The following ZNF710 variants were observed in gnomAD, a reference collection of about 807,000 sequenced individuals.
The protein encoded by ZNF710 is zinc finger protein 710.
Under a neutral mutation model 50.6 loss-of-function variants are expected in ZNF710, and 13 were observed. The ratio of observed to expected loss-of-function variants is 0.26; its 90% CI spans 0.17 to 0.41. ZNF710 has a LOEUF of 0.41. Ranked by LOEUF, ZNF710 falls within the 10% of genes least tolerant of loss-of-function variation. ZNF710 has a pLI of 1.00. For missense variants in ZNF710, 721 were observed against 936.6 expected (o/e 0.77, Z 3.01); for synonymous variants, 383 against 397.0 (o/e 0.96, Z 0.42).
intron 1 of ZNF710, among the ~76,000 whole-genome samples, chr15:90,021,255 G>A (rs544837011): frequency 1.3e-5 from 2 of 152,314 alleles, no homozygotes; most frequent in Non-Finnish European, 2.9e-5. Context: ...CCGCTGAAGC[G>A]GCTCAGAGGC....
chr15:90,053,348 C>CTTTT (rs111542346), intron 1 of ZNF710, among the ~76,000 whole-genome samples: 3 of 144,692 alleles, frequency 2.1e-5, no homozygotes, highest in East Asian at 2.0e-4. Context: ...CAGTGAATTC[C>CTTTT]TTTTTTTTTT....
intron 1 of ZNF710, among the ~76,000 whole-genome samples, chr15:90,061,230 G>A (rs1405216917): frequency 6.6e-6 from 1 of 152,136 alleles, no homozygotes; most frequent in East Asian, 1.9e-4. Flanking sequence ...GAGTGCAGTG[G>A]CGTGATCTCA....
At chr15:90,077,388 C>A (rs1165530634) in intron 4 of ZNF710, among the ~76,000 whole-genome samples, 2 of 151,902 alleles carry the variant, frequency 1.3e-5, no homozygotes, top group Non-Finnish European at 2.9e-5. Flanking sequence ...GGACTACAGG[C>A]GCCTGCCACC....
intron 1 of ZNF710, among the ~76,000 whole-genome samples, chr15:90,017,638 C>G (rs146109635): frequency 1.7e-3 from 257 of 151,700 alleles, no homozygotes; most frequent in African/African-American, 6.0e-3. Context: ...AGGGATGCAT[C>G]CTAATGACCC....
intron 1 of ZNF710, among the ~76,000 whole-genome samples, chr15:90,047,839 G>A (rs887601477): frequency 5.3e-5 from 8 of 151,908 alleles, no homozygotes; most frequent in East Asian, 1.9e-4. Context: ...CACCCATTTC[G>A]GCCTCCCAAA....
chr15:90,016,870 A>C (rs1029428380), intron 1 of ZNF710, among the ~76,000 whole-genome samples: 3 of 152,238 alleles, frequency 2.0e-5, no homozygotes, highest in African/African-American at 7.2e-5. Flanking sequence ...AAGCTCAGGC[A>C]GTAGGTGGTA....
chr15:90,056,745 C>T (rs1045645922), intron 1 of ZNF710, among the ~76,000 whole-genome samples: 3 of 152,226 alleles, frequency 2.0e-5, no homozygotes, highest in Non-Finnish European at 2.9e-5. Flanking sequence ...CACATTACTC[C>T]TGTACTTAGC....
At chr15:90,025,970 A>G (rs1898762961) in intron 1 of ZNF710, 1 of 152,182 alleles carries the variant, frequency 6.6e-6, no homozygotes, top group South Asian at 2.1e-4. Context: ...TCATAGCCTT[A>G]AATGCTTTTA....
chr15:90,045,347 C>T, intron 1 of ZNF710: 1 of 985,442 alleles, frequency 1.0e-6, no homozygotes, highest in Non-Finnish European at 1.2e-6. Context: ...TGGCGGATGG[C>T]TTCAAGGACG....
intron 3 of ZNF710, 125 bp from the exon 4 acceptor site, chr15:90,073,989 CAA>C: frequency 1.4e-6 from 1 of 701,348 alleles, no homozygotes. Flanking sequence ...GAGTCTGTCT[CAA>C]AAAAAAAACA....
At position 90,079,826 on chromosome 15, in the gene ZNF710, A is replaced by G; in HGVS notation, c.1992A>G (p.Leu664=). The change falls in exon 5 of 5, where the codon CTA becomes CTG. Residue 664 remains leucine, a synonymous_variant. Coordinates refer to ENST00000268154, the MANE Select transcript of ZNF710 (RefSeq NM_198526.4). ...AMKEMAYYNV[L] ...AAGAGATGGCCTACTACAATGTGCT[A>G]TAGCGCAAGCTGGGCCACCCCTAAC... 2 of 1,591,328 alleles carry G rather than the reference A, an allele frequency of 1.3e-6. No individual in the cohort carries two copies. Among genetic ancestry groups the G allele is most frequent in the South Asian group, 1.1e-5 (1 of 87,004 alleles).
intron 4 of ZNF710, 90 bp from the exon 5 acceptor site, chr15:90,079,570 T>A (rs772037516): frequency 6.6e-7 from 1 of 1,514,910 alleles, no homozygotes; most frequent in Non-Finnish European, 9.0e-7. Flanking sequence ...GGAAGCCCTC[T>A]CTTTAGAAAG....
At position 90,067,983 on chromosome 15, in the gene ZNF710, C is replaced by T. The variant is rs1596057642; in HGVS notation, c.846C>T (p.Asp282=). ...TGGACATCAACGTGCAGATTGACGACTCCTATCTGGTGGAGGCGGGCGACC... is the reference window on the plus strand; with the variant it reads ...TGGACATCAACGTGCAGATTGACGATTCCTATCTGGTGGAGGCGGGCGACC... The part of the protein sequence containing the change: ...DRLDINVQID[D]SYLVEAGDRQ... The change falls in exon 2 of 5, where the codon GAC becomes GAT. Residue 282 remains aspartate (D), a synonymous_variant. Coordinates refer to ENST00000268154, the MANE Select transcript of ZNF710 (RefSeq NM_198526.4). This position sits in a 1 kb window ranked among gnomAD's most constrained non-coding sequence, Gnocchi z 8.1. The T allele has an allele frequency of 6.2e-7, 1 of 1,614,200 alleles. No homozygotes were observed. Among genetic ancestry groups the T allele is most frequent in the African/African-American group, 1.3e-5 (1 of 75,076 alleles).
chr15:90,065,569 G>T (rs1159920560), intron 1 of ZNF710, among the ~76,000 whole-genome samples: 2 of 151,064 alleles, frequency 1.3e-5, no homozygotes, highest in Non-Finnish European at 2.9e-5. Context: ...AGGAGCAGGG[G>T]TCAGCAGGGT....
chr15:90,079,506 C>T (rs1324978594), intron 4 of ZNF710, among the ~76,000 whole-genome samples, 154 bp from the exon 5 acceptor site: 1 of 152,190 alleles, frequency 6.6e-6, no homozygotes, highest in Non-Finnish European at 1.5e-5. Context: ...GACCCTGAGG[C>T]GTCCGAGGGT....
At chr15:90,014,132 T>G (rs142355141) in intron 1 of ZNF710, among the ~76,000 whole-genome samples, 7 of 151,950 alleles carry the variant, frequency 4.6e-5, no homozygotes, top group African/African-American at 1.7e-4. Context: ...ACAAAGCCAG[T>G]TTACCTCTTT....
intron 1 of ZNF710, among the ~76,000 whole-genome samples, chr15:90,057,949 C>A (rs1282724250): frequency 6.6e-6 from 1 of 152,118 alleles, no homozygotes; most frequent in Non-Finnish European, 1.5e-5. Context: ...GGGGGCTTCA[C>A]CCCTCATATC....
chr15:90,037,126 G>T (rs1899152740), intron 1 of ZNF710, among the ~76,000 whole-genome samples: 1 of 152,152 alleles, frequency 6.6e-6, no homozygotes, highest in Non-Finnish European at 1.5e-5. Context: ...CGGGGTGGGG[G>T]TGGAGTGTCT....
At position 90,073,106 on chromosome 15, in the gene ZNF710, G is replaced by C; in HGVS notation, c.1494G>C (p.Arg498=). ...AGTTCAAGTGCGAGGTGTGTGGCCGGGAGTTCACCCTACAGGCGAACATGA... is the reference window on the plus strand; with the variant it reads ...AGTTCAAGTGCGAGGTGTGTGGCCGCGAGTTCACCCTACAGGCGAACATGA... The part of the protein sequence containing the change: ...VKEFKCEVCG[R]EFTLQANMKR... The change falls in exon 3 of 5, where the codon CGG becomes CGC. Residue 498 remains arginine, a synonymous_variant. Coordinates refer to ENST00000268154, the MANE Select transcript of ZNF710 (RefSeq NM_198526.4). 6.2e-7 allele frequency: 1 copy of C among 1,614,056 alleles called. No homozygotes were observed.
Sources: allele counts gnomAD v4.1 joint callset (sites outside exome capture counted in the v4.1 genomes callset), GRCh38; gene constraint gnomAD v4.1.1; non-coding constraint Gnocchi (gnomAD v3.1); transcripts MANE v1.5; gene names NCBI Gene and HGNC (gene_info 2026-07-23, HGNC 2026-07-21).